The following AJAP1 variants were observed in gnomAD, a reference collection of about 807,000 sequenced individuals.
AJAP1 encodes adherens junction-associated protein 1.
A neutral mutation model predicts 35.0 loss-of-function variants in AJAP1; 5 were observed. That is an observed-to-expected ratio of 0.14 (90% confidence interval 0.07 to 0.30). AJAP1 has a LOEUF of 0.30. AJAP1 is among the 10% of genes least tolerant of loss of function. AJAP1 has a pLI of 1.00. For missense variants in AJAP1, 586 were observed against 571.0 expected, an observed-to-expected ratio of 1.03 and a Z score of -0.27; for synonymous variants, 284 against 249.3, an observed-to-expected ratio of 1.14 and a Z score of -1.31.
At chr1:4,695,927 T>C (rs1418056426) in intron 1 of AJAP1, among the ~76,000 whole-genome samples, 1 of 152,150 alleles carries the variant, frequency 6.6e-6, no homozygotes, top group Non-Finnish European at 1.5e-5. Context: ...TGGGATGACA[T>C]TGCTGCACCC....
At chr1:4,718,306 G>A (rs1043980693) in intron 2 of AJAP1, among the ~76,000 whole-genome samples, 1 of 152,284 alleles carries the variant, frequency 6.6e-6, no homozygotes, top group South Asian at 2.1e-4. Context: ...GGACACGACT[G>A]TGTTGCAGGT....
intron 1 of AJAP1, among the ~76,000 whole-genome samples, chr1:4,661,335 C>G (rs1196293901): frequency 6.6e-6 from 1 of 152,214 alleles, no homozygotes; most frequent in Non-Finnish European, 1.5e-5. Context: ...GTGATCTGAT[C>G]CAACGGTGCT....
At chr1:4,682,209 G>A (rs1340107284) in intron 1 of AJAP1, among the ~76,000 whole-genome samples, 3 of 152,204 alleles carry the variant, frequency 2.0e-5, no homozygotes, top group Admixed American at 1.3e-4. Context: ...GAAATATGGA[G>A]GTGTGGATGT....
chr1:4,698,216 A>G (rs1639910246), intron 1 of AJAP1, among the ~76,000 whole-genome samples: 1 of 152,082 alleles, frequency 6.6e-6, no homozygotes, highest in Non-Finnish European at 1.5e-5. Context: ...TGAATGTGGA[A>G]TACTAGATGG....
intron 2 of AJAP1, among the ~76,000 whole-genome samples, chr1:4,761,989 T>C (rs767465501): frequency 2.6e-5 from 4 of 152,166 alleles, no homozygotes. Flanking sequence ...CATCCTTCAG[T>C]CCAATCGACT....
chr1:4,663,463 G>C (rs1474672679), intron 1 of AJAP1, among the ~76,000 whole-genome samples: 1 of 152,228 alleles, frequency 6.6e-6, no homozygotes, highest in Non-Finnish European at 1.5e-5. Flanking sequence ...ACCAACCACA[G>C]ACTTGGAAGA....
Position 4,787,639 on chromosome 1 carries a change from T to C in AJAP1, c.*5154T>C, listed in dbSNP as rs1219687787. The C allele has an allele frequency of 2.2e-6, 1 of 455,438 alleles. No homozygotes were observed. Among genetic ancestry groups the C allele is most frequent in the Non-Finnish European group, 4.4e-6 (1 of 226,646 alleles). 28.2% of individuals were successfully genotyped at this position (455,438 alleles called of 1,614,324 possible). The stretch of plus-strand genomic sequence containing the variant: ...GGCAGGATGAGGGCTGCTGCCCTGG[T>C]GATGAGCTTGCCCCATCCCTGGGCA... On this transcript the variant is annotated 3_prime_UTR_variant, in exon 6 of 6. Coordinates refer to ENST00000378191, the MANE Select transcript of AJAP1 (RefSeq NM_018836.4).
intron 4 of AJAP1, 112 bp downstream of exon 4, chr1:4,772,637 G>A: frequency 6.8e-7 from 1 of 1,480,596 alleles, no homozygotes; most frequent in Non-Finnish European, 9.0e-7. Flanking sequence ...TCTTCCCTGA[G>A]GTCGCTTTGA....
chr1:4,707,741 C>T (rs1284289522), intron 1 of AJAP1, among the ~76,000 whole-genome samples: 1 of 152,070 alleles, frequency 6.6e-6, no homozygotes, highest in African/African-American at 2.4e-5. Flanking sequence ...TGCAGGTTTT[C>T]ATGTGGACAG....
At chr1:4,770,699 ACAAGG>A (rs56688128) in intron 3 of AJAP1, among the ~76,000 whole-genome samples, 35,115 of 152,128 alleles carry the variant, frequency 0.23, 4,510 homozygotes, top group Middle Eastern at 0.36. Flanking sequence ...TATGAATCAG[ACAAGG>A]CTGATGGTGG....
At chr1:4,682,366 C>T (rs1370093448) in intron 1 of AJAP1, among the ~76,000 whole-genome samples, 1 of 152,226 alleles carries the variant, frequency 6.6e-6, no homozygotes, top group Non-Finnish European at 1.5e-5. Context: ...CTATGCATCT[C>T]CCTCCCCACA....
intron 2 of AJAP1, among the ~76,000 whole-genome samples, chr1:4,766,911 C>G (rs7512563): frequency 6.6e-6 from 1 of 152,074 alleles, no homozygotes; most frequent in Non-Finnish European, 1.5e-5. Flanking sequence ...TGGGTTACAT[C>G]GATCCCAGGT....
At chr1:4,666,795 C>CA (rs1639135808) in intron 1 of AJAP1, among the ~76,000 whole-genome samples, 1 of 140,934 alleles carries the variant, frequency 7.1e-6, no homozygotes, top group Non-Finnish European at 1.5e-5. Flanking sequence ...CCGTGAATCA[C>CA]GGAAGGGTTG....
intron 2 of AJAP1, among the ~76,000 whole-genome samples, chr1:4,752,755 A>G (rs381240): frequency 0.35 from 52,979 of 152,048 alleles, 9,729 homozygotes; most frequent in African/African-American, 0.41. Flanking sequence ...TAACCCTATC[A>G]TTTGAATAAT....
intron 2 of AJAP1, among the ~76,000 whole-genome samples, chr1:4,728,494 C>G (rs1230351885): frequency 6.6e-6 from 1 of 152,142 alleles, no homozygotes; most frequent in Non-Finnish European, 1.5e-5. Context: ...ACACCTGCTC[C>G]CAGTGGCTGC....
intron 1 of AJAP1, among the ~76,000 whole-genome samples, chr1:4,662,912 G>A (rs1331383624): frequency 6.6e-6 from 1 of 152,200 alleles, no homozygotes; most frequent in Non-Finnish European, 1.5e-5. Context: ...GTCCTATCTG[G>A]TCAGATGCCT....
intron 2 of AJAP1, among the ~76,000 whole-genome samples, chr1:4,753,262 C>T (rs556849168): frequency 1.3e-5 from 2 of 152,256 alleles, no homozygotes; most frequent in Admixed American, 6.5e-5. Flanking sequence ...TGATTCTTCT[C>T]CAGCCCCTGG....
chr1:4,753,864 G>A (rs536118152), intron 2 of AJAP1, among the ~76,000 whole-genome samples: 9 of 152,298 alleles, frequency 5.9e-5, no homozygotes, highest in East Asian at 1.9e-4. Flanking sequence ...GAGCCACTAC[G>A]CCTGGCCTAA....
chr1:4,754,704 T>C (rs1641390024), intron 2 of AJAP1, among the ~76,000 whole-genome samples: 1 of 152,258 alleles, frequency 6.6e-6, no homozygotes, highest in Non-Finnish European at 1.5e-5. Flanking sequence ...GCCTCAGTCT[T>C]GTGCTTTGAA....
Sources: allele counts gnomAD v4.1 joint callset (sites outside exome capture counted in the v4.1 genomes callset), GRCh38; gene constraint gnomAD v4.1.1; transcripts MANE v1.5; gene names NCBI Gene and HGNC (gene_info 2026-07-23, HGNC 2026-07-21).